The following CACNA1I variants were observed in gnomAD, a reference collection of about 807,000 sequenced individuals.
CACNA1I encodes the protein calcium voltage-gated channel subunit alpha1 I.
Under a neutral mutation model 201.6 loss-of-function variants are expected in CACNA1I, and 74 were observed. The observed-to-expected ratio is 0.37, with a 90% CI of 0.30 to 0.45. The LOEUF is 0.45. CACNA1I is among the 20% of genes least tolerant of loss of function. CACNA1I has a pLI of 1.00. For synonymous variants in CACNA1I, 1,431 were observed against 1,345.2 expected, an observed-to-expected ratio of 1.06 and a Z score of -1.40; for missense variants, 2,346 against 3,138.1, an observed-to-expected ratio of 0.75 and a Z score of 6.03.
Position 39,596,767 on chromosome 22 carries a change from C to T in CACNA1I, c.237-1384C>T, listed in dbSNP as rs1014688816. 1.3e-4 allele frequency among the ~76,000 whole-genome samples: 19 copies of T among 151,962 alleles called. No individual in the cohort carries two copies. The South Asian group carries it at 3.7e-3, about 30-fold the overall frequency. ...GCCGATGGGGAGGCTCCTGGTCATC[C>T]GGTGGAGGACCTCTAGGTTCAGAGA... On this transcript the variant is annotated intron_variant, in intron 1 of 36. Transcript: ENST00000402142.
Position 39,665,332 on chromosome 22 carries a change from T to C in CACNA1I, c.3852-166T>C, listed in dbSNP as rs951969984. Among the ~76,000 whole-genome samples the C allele has an allele frequency of 3.3e-5, 5 of 152,082 alleles. No individual in the cohort carries two copies. The highest frequency in any genetic ancestry group is 7.4e-5 in the Non-Finnish European group (5 of 67,970). On this transcript the variant is annotated intron_variant, in intron 21 of 36. Coordinates refer to ENST00000402142, the MANE Select transcript of CACNA1I (RefSeq NM_021096.4). This position sits in a 1 kb window ranked among gnomAD's most constrained non-coding sequence, Gnocchi z 5.5. ...CCGTGTCTGGGCTGCCTGGCCACTT[T>C]CTCTGCATTCCTGGAGACTGTCCTC... is the stretch of plus-strand genomic sequence containing the variant.
At position 39,576,419 on chromosome 22, in the gene CACNA1I, C is replaced by T. The variant is rs556158621; in HGVS notation, c.236+5431C>T. On this transcript the variant is annotated intron_variant, in intron 1 of 36. Coordinates refer to ENST00000402142, the MANE Select transcript of CACNA1I (RefSeq NM_021096.4). ...CCAGGGTTGCACAGCCAGGCTGTGG[C>T]GGAGCTGGCATCAAAACCCCGATTT... Among the ~76,000 whole-genome samples the T allele has an allele frequency of 7.4e-4, 112 of 152,312 alleles. 1 individual carries two copies. The highest frequency in any genetic ancestry group is 3.3e-3 in the South Asian group (16 of 4,832).
At chr22:39,627,924 C>T (rs2146404239) in intron 4 of CACNA1I, among the ~76,000 whole-genome samples, 1 of 151,696 alleles carries the variant, frequency 6.6e-6, no homozygotes, top group South Asian at 2.1e-4. Context: ...CAGGGCTGCT[C>T]CCTTCCTGGA....
chr22:39,577,444 G>T (rs1932394532), intron 1 of CACNA1I, among the ~76,000 whole-genome samples: 1 of 152,236 alleles, frequency 6.6e-6, no homozygotes, highest in Admixed American at 6.5e-5. Flanking sequence ...AGAGGCCAGG[G>T]CGCCCGGTCT....
intron 3 of CACNA1I, among the ~76,000 whole-genome samples, chr22:39,603,422 T>A (rs1336282433): frequency 6.6e-6 from 1 of 152,212 alleles, no homozygotes; most frequent in African/African-American, 2.4e-5. Context: ...ATGGAATAAT[T>A]CATTTCCTCA....
chr22:39,602,373 C>T (rs1477170106), intron 3 of CACNA1I, among the ~76,000 whole-genome samples: 2 of 151,838 alleles, frequency 1.3e-5, no homozygotes, highest in African/African-American at 2.4e-5. Context: ...CCGCACCTGG[C>T]CTCTAAGCAT....
chr22:39,670,710 CTTT>C, intron 25 of CACNA1I, 90 bp from the exon 26 acceptor site: 1 of 1,278,418 alleles, frequency 7.8e-7, no homozygotes, highest in Non-Finnish European at 1.1e-6. Flanking sequence ...TGCCCCCTCC[CTTT>C]CCTCCACCTT....
At chr22:39,602,602 G>A (rs568991445) in intron 3 of CACNA1I, among the ~76,000 whole-genome samples, 1 of 151,990 alleles carries the variant, frequency 6.6e-6, no homozygotes, top group African/African-American at 2.4e-5. Flanking sequence ...TTTCAATCTT[G>A]CCTGTCCAAA....
At chr22:39,617,720 A>C (rs886323621) in intron 3 of CACNA1I, among the ~76,000 whole-genome samples, 2 of 151,572 alleles carry the variant, frequency 1.3e-5, no homozygotes, top group Non-Finnish European at 2.9e-5. Flanking sequence ...TGCCCCTTCC[A>C]GGTCACCATC....
At chr22:39,636,985 G>A (rs1934234619) in intron 5 of CACNA1I, among the ~76,000 whole-genome samples, 1 of 152,218 alleles carries the variant, frequency 6.6e-6, no homozygotes, top group African/African-American at 2.4e-5. Flanking sequence ...GGCCTAGATG[G>A]GAAGGGACTC....
intron 5 of CACNA1I, among the ~76,000 whole-genome samples, chr22:39,639,255 C>T (rs1934295566): frequency 6.6e-6 from 1 of 152,200 alleles, no homozygotes; most frequent in African/African-American, 2.4e-5. Context: ...GGCCATTACA[C>T]AAAAAGTTTG....
intron 3 of CACNA1I, among the ~76,000 whole-genome samples, chr22:39,613,841 CT>C (rs58159998): frequency 0.91 from 133,919 of 146,772 alleles, 61,198 homozygotes; most frequent in Middle Eastern, 0.96. Flanking sequence ...TGGATCCCTT[CT>C]TTTTTTTTTT....
intron 4 of CACNA1I, among the ~76,000 whole-genome samples, chr22:39,620,277 A>G (rs1432212758): frequency 3.3e-5 from 2 of 61,440 alleles, no homozygotes; most frequent in African/African-American, 4.9e-5. Context: ...CCATCCATCC[A>G]TACGTACATA....
chr22:39,667,287 C>A (rs1350888709), intron 23 of CACNA1I, among the ~76,000 whole-genome samples: 1 of 152,170 alleles, frequency 6.6e-6, no homozygotes, highest in Non-Finnish European at 1.5e-5. Flanking sequence ...GGCACCATTC[C>A]CACCTGGGAA....
At chr22:39,644,960 T>G (rs915107787) in intron 7 of CACNA1I, among the ~76,000 whole-genome samples, 1 of 152,060 alleles carries the variant, frequency 6.6e-6, no homozygotes, top group Non-Finnish European at 1.5e-5. Flanking sequence ...AGCACTGGGA[T>G]TACAGGCATG....
At chr22:39,588,385 CTTTTTTT>C (rs3044379) in intron 1 of CACNA1I, among the ~76,000 whole-genome samples, 62 of 80,736 alleles carry the variant, frequency 7.7e-4, no homozygotes, top group African/African-American at 2.6e-3. Flanking sequence ...TTCTTTCTTT[CTTTTTTT>C]TTTTTTTTTT....
At position 39,663,925 on chromosome 22, in the gene CACNA1I, C is replaced by T. The variant is rs374995666; in HGVS notation, c.3597+84C>T. The T allele has an allele frequency of 6.3e-6, 10 of 1,575,112 alleles. 1 individual carries two copies. The highest frequency in any genetic ancestry group is 4.5e-5 in the South Asian group (4 of 88,988). ...GCTGAGCAGGGCAGGGAGACCTCAC[C>T]GAGGTGGGGAGGCAGGACAGGAAGT... On this transcript the variant is annotated intron_variant, in intron 19 of 36. Coordinates refer to ENST00000402142, the MANE Select transcript of CACNA1I (RefSeq NM_021096.4).
chr22:39,662,428 T>G lies in CACNA1I; in HGVS notation c.3365T>G (p.Ile1122Ser). ...GATCGCGGGGAGGATGAGGAGGAAATCGACTACGTGAGTGGGGGCGGGGCC... is the reference window on the plus strand; with the variant it reads ...GATCGCGGGGAGGATGAGGAGGAAAGCGACTACGTGAGTGGGGGCGGGGCC... ...RGDRGEDEEE[I>S]DYTLCFRVRK... Residue 1122 changes from isoleucine to serine, a missense_variant, in exon 17 of 37, where the codon ATC becomes AGC. Physicochemically the swap from Ile to Ser is moderately radical, Grantham distance 142. Around this residue, in one of 13 missense-constraint regions of CACNA1I, gnomAD observed 158 missense variants for 231.6 expected, o/e 0.68. Coordinates refer to ENST00000402142, the MANE Select transcript of CACNA1I (RefSeq NM_021096.4). The G allele has an allele frequency of 6.9e-7, 1 of 1,441,838 alleles. No individual in the cohort carries two copies. Among genetic ancestry groups the G allele is most frequent in the Admixed American group, 2.8e-5 (1 of 35,502 alleles). The allele number at this position is 1,441,838 out of a possible 1,614,324, so 89.3% of individuals were successfully genotyped here.
chr22:39,604,738 C>T (rs531401008), intron 3 of CACNA1I, among the ~76,000 whole-genome samples: 136 of 151,996 alleles, frequency 8.9e-4, no homozygotes, highest in South Asian at 2.1e-3. Context: ...GCCCCATGCC[C>T]GGCTAATTTT....
Sources: allele counts gnomAD v4.1 joint callset (sites outside exome capture counted in the v4.1 genomes callset), GRCh38; gene constraint gnomAD v4.1.1; regional missense constraint gnomAD v4.1.1; non-coding constraint Gnocchi (gnomAD v3.1); transcripts MANE v1.5; gene names NCBI Gene and HGNC (gene_info 2026-07-23, HGNC 2026-07-21).